KCNMA1: variants seen among roughly 807,000 people sequenced by gnomAD.
The protein encoded by KCNMA1 is Calcium-activated potassium channel subunit alpha-1.
A neutral mutation model predicts 140.0 loss-of-function variants in KCNMA1; 29 were observed. The ratio of observed to expected loss-of-function variants is 0.21; its 90% CI spans 0.15 to 0.28. KCNMA1 has a LOEUF of 0.28. Among genes scored for constraint, KCNMA1 ranks in the 10% least tolerant of loss-of-function variants. The probability of loss-of-function intolerance (pLI) is 1.00; values close to 1 mark genes in which losing one functional copy is unlikely to be tolerated. For synonymous variants in KCNMA1, 612 were observed against 611.9 expected (o/e 1.00, Z 0.00); for missense variants, 880 against 1,602.2 (o/e 0.55, Z 7.70).
intron 5 of KCNMA1, among the ~76,000 whole-genome samples, chr10:77,152,631 G>A (rs2098437112): frequency 6.6e-6 from 1 of 152,126 alleles, no homozygotes; most frequent in Admixed American, 6.5e-5. Context: ...AACACCTCCT[G>A]TTGGTCACTG....
chr10:77,072,026 T>C (rs1043900083), intron 14 of KCNMA1, among the ~76,000 whole-genome samples: 28 of 152,188 alleles, frequency 1.8e-4, no homozygotes, highest in African/African-American at 6.8e-4. Context: ...TGGCAGTCAA[T>C]TAGGTAGCCA....
At chr10:76,905,488 A>G (rs967078916) in intron 25 of KCNMA1, among the ~76,000 whole-genome samples, 13 of 152,202 alleles carry the variant, frequency 8.5e-5, no homozygotes, top group Non-Finnish European at 1.8e-4. Flanking sequence ...CGGAATACTC[A>G]GTGTGGCCAG....
At chr10:77,349,255 C>T (rs1205684690) in intron 2 of KCNMA1, among the ~76,000 whole-genome samples, 1 of 152,120 alleles carries the variant, frequency 6.6e-6, no homozygotes, top group Non-Finnish European at 1.5e-5. Flanking sequence ...TTGCCCCTTC[C>T]ACCATGTGAG....
chr10:76,925,083 T>C (rs2057266506), intron 23 of KCNMA1, among the ~76,000 whole-genome samples: 3 of 152,242 alleles, frequency 2.0e-5, no homozygotes. Flanking sequence ...TTTATGAAGA[T>C]GTTTTCCTCT....
intron 20 of KCNMA1, among the ~76,000 whole-genome samples, chr10:76,968,438 G>A (rs756419139): frequency 2.0e-5 from 3 of 152,090 alleles, no homozygotes; most frequent in East Asian, 1.9e-4. Flanking sequence ...TAGCAAACAG[G>A]GACAGGGAAT....
At chr10:77,025,757 A>G (rs1485409032) in intron 16 of KCNMA1, among the ~76,000 whole-genome samples, 4 of 152,070 alleles carry the variant, frequency 2.6e-5, no homozygotes, top group African/African-American at 7.2e-5. Flanking sequence ...AAAACATTAA[A>G]ATTATTATCT....
At chr10:77,274,579 G>A (rs2066088173) in intron 2 of KCNMA1, among the ~76,000 whole-genome samples, 1 of 152,150 alleles carries the variant, frequency 6.6e-6, no homozygotes, top group Non-Finnish European at 1.5e-5. Flanking sequence ...CACTAGCAGA[G>A]CTGCTGAACC....
chr10:77,423,387 C>T (rs373081443), intron 1 of KCNMA1, among the ~76,000 whole-genome samples: 64 of 152,250 alleles, frequency 4.2e-4, no homozygotes, highest in African/African-American at 1.3e-3. Flanking sequence ...GACATAGAAA[C>T]GGCTAAGCAG....
intron 25 of KCNMA1, among the ~76,000 whole-genome samples, chr10:76,906,847 C>T (rs943144303): frequency 4.6e-5 from 7 of 152,284 alleles, no homozygotes; most frequent in Admixed American, 2.6e-4. Context: ...ACCAAAACGT[C>T]TGGATCCAAC....
intron 2 of KCNMA1, among the ~76,000 whole-genome samples, chr10:77,263,921 T>C (rs1339784640): frequency 6.6e-6 from 1 of 152,172 alleles, no homozygotes; most frequent in African/African-American, 2.4e-5. Flanking sequence ...GAGAAAGCCC[T>C]AACCTGTCTA....
intron 23 of KCNMA1, among the ~76,000 whole-genome samples, chr10:76,916,782 G>A (rs2053106699): frequency 6.6e-6 from 1 of 152,200 alleles, no homozygotes; most frequent in Non-Finnish European, 1.5e-5. Flanking sequence ...AAATACGGGA[G>A]CTCAATAATT....
chr10:77,195,602 T>C (rs754543443), intron 3 of KCNMA1, among the ~76,000 whole-genome samples: 2 of 152,146 alleles, frequency 1.3e-5, no homozygotes, highest in Non-Finnish European at 2.9e-5. Flanking sequence ...CTAATTAACA[T>C]TGAAAATCAT....
intron 2 of KCNMA1, among the ~76,000 whole-genome samples, chr10:77,306,802 G>T (rs1353547633): frequency 6.6e-6 from 1 of 152,208 alleles, no homozygotes; most frequent in East Asian, 1.9e-4. Flanking sequence ...TGCTATCTAG[G>T]AGGTAGGACC....
chr10:77,307,907 C>T (rs559985092), intron 2 of KCNMA1, among the ~76,000 whole-genome samples: 3 of 152,268 alleles, frequency 2.0e-5, no homozygotes, highest in African/African-American at 7.2e-5. Context: ...GGATGTAACA[C>T]CATTGTACGT....
intron 2 of KCNMA1, among the ~76,000 whole-genome samples, chr10:77,395,277 G>T (rs2096005663): frequency 6.6e-6 from 1 of 152,056 alleles, no homozygotes; most frequent in South Asian, 2.1e-4. Flanking sequence ...TTGAACCCAG[G>T]AGTTTGAGGT....
At chr10:77,345,146 T>A (rs1044776995) in intron 2 of KCNMA1, among the ~76,000 whole-genome samples, 1 of 152,192 alleles carries the variant, frequency 6.6e-6, no homozygotes, top group African/African-American at 2.4e-5. Flanking sequence ...TATTTGTTGA[T>A]TGAATGAATA....
chr10:77,558,214 C>T (rs1208223170), intron 1 of KCNMA1, among the ~76,000 whole-genome samples: 1 of 152,036 alleles, frequency 6.6e-6, no homozygotes, highest in Non-Finnish European at 1.5e-5. Context: ...CTGAAATATT[C>T]ATAATTCTGA....
At chr10:77,572,569 C>T (rs1036663351) in intron 1 of KCNMA1, among the ~76,000 whole-genome samples, 9 of 37,562 alleles carry the variant, frequency 2.4e-4, no homozygotes, top group African/African-American at 7.5e-4. Flanking sequence ...AAAAAAAATC[C>T]ATATATATAT....
intron 3 of KCNMA1, among the ~76,000 whole-genome samples, chr10:77,236,890 T>C (rs1021945233): frequency 6.6e-6 from 1 of 152,228 alleles, no homozygotes; most frequent in African/African-American, 2.4e-5. Context: ...AGCCATACTC[T>C]TGACTCAGCC....
Sources: allele counts gnomAD v4.1 joint callset (sites outside exome capture counted in the v4.1 genomes callset), GRCh38; gene constraint gnomAD v4.1.1; transcripts MANE v1.5; gene names NCBI Gene and HGNC (gene_info 2026-07-23, HGNC 2026-07-21).